The following COG5 variants were observed in gnomAD, a reference collection of about 807,000 sequenced individuals.
The protein encoded by COG5 is component of oligomeric golgi complex 5, also known as conserved oligomeric Golgi complex subunit 5.
COG5 carries 86 observed loss-of-function variants against 110.4 expected under a neutral mutation model. That is an observed-to-expected ratio of 0.78 (90% confidence interval 0.65 to 0.93). The LOEUF is 0.93. Ranked by LOEUF, COG5 falls within the 40% of genes least tolerant of loss-of-function variation. The pLI is 0.00. For missense variants in COG5, 1,077 were observed against 987.0 expected (o/e 1.09, Z -1.22); for synonymous variants, 360 against 334.6 (o/e 1.08, Z -0.83).
intron 8 of COG5, among the ~76,000 whole-genome samples, chr7:107,365,852 A>C (rs1408087402): frequency 6.6e-6 from 1 of 152,134 alleles, no homozygotes; most frequent in Non-Finnish European, 1.5e-5. Context: ...AAGAAGTAAC[A>C]AACTGGTCAA....
chr7:107,320,742 C>G (rs1809192268), intron 11 of COG5, among the ~76,000 whole-genome samples: 2 of 152,052 alleles, frequency 1.3e-5, no homozygotes, highest in South Asian at 2.1e-4. Context: ...AAATATAGGT[C>G]CCCTCTGTCA....
chr7:107,379,850 C>G (rs1379753931), intron 7 of COG5, among the ~76,000 whole-genome samples: 2 of 152,130 alleles, frequency 1.3e-5, no homozygotes, highest in East Asian at 3.9e-4. Flanking sequence ...TAATGCCCCA[C>G]TGTCAATATG....
chr7:107,433,696 CA>C (rs1171820686), intron 6 of COG5, among the ~76,000 whole-genome samples: 2 of 152,132 alleles, frequency 1.3e-5, no homozygotes, highest in Admixed American at 6.6e-5. Context: ...AAGACCTAAA[CA>C]TAAGAGCTAA....
intron 2 of COG5, among the ~76,000 whole-genome samples, chr7:107,556,278 T>C (rs763386): frequency 0.13 from 19,095 of 152,176 alleles, 1,502 homozygotes; most frequent in Non-Finnish European, 0.17. Flanking sequence ...CCAAACTCTC[T>C]GTATGAAGTG....
At chr7:107,208,583 G>C (rs577418980) in intron 21 of COG5, 1 of 985,418 alleles carries the variant, frequency 1.0e-6, no homozygotes, top group East Asian at 1.1e-4. Context: ...GCAAATCCCT[G>C]TGTTAGCCCA....
At chr7:107,208,334 A>T (rs536469596) in intron 21 of COG5, 1 of 985,422 alleles carries the variant, frequency 1.0e-6, no homozygotes, top group South Asian at 4.7e-5. Flanking sequence ...CTGCTGATGA[A>T]ATCACTCAGG....
At chr7:107,245,949 A>T (rs1309958321) in intron 17 of COG5, among the ~76,000 whole-genome samples, 3 of 152,234 alleles carry the variant, frequency 2.0e-5, no homozygotes, top group African/African-American at 7.2e-5. Flanking sequence ...ACATCACGTT[A>T]CCTGACTTCA....
At chr7:107,293,896 ACT>A (rs1251666340) in intron 12 of COG5, among the ~76,000 whole-genome samples, 2 of 151,834 alleles carry the variant, frequency 1.3e-5, no homozygotes, top group East Asian at 1.9e-4. Flanking sequence ...AAATGGCGAA[ACT>A]CTGTCTCTAC....
At chr7:107,242,793 C>A in intron 17 of COG5, among the ~76,000 whole-genome samples, 1 of 152,120 alleles carries the variant, frequency 6.6e-6, no homozygotes, top group Non-Finnish European at 1.5e-5. Context: ...CAGCTTAGAC[C>A]CTCCCCCACT....
intron 11 of COG5, among the ~76,000 whole-genome samples, chr7:107,302,795 G>C (rs1807386039): frequency 6.6e-6 from 1 of 152,148 alleles, no homozygotes; most frequent in Non-Finnish European, 1.5e-5. Context: ...CAAGCTGAAA[G>C]TTCCTTACCT....
At chr7:107,362,461 C>G (rs764454859) in intron 8 of COG5, 41 bp from the exon 9 acceptor site, 15 of 1,288,806 alleles carry the variant, frequency 1.2e-5, no homozygotes, top group Non-Finnish European at 1.5e-5. Flanking sequence ...ATAAAGTTTT[C>G]CAAAGGCAAA....
At chr7:107,267,336 T>A (rs80307895) in intron 14 of COG5, among the ~76,000 whole-genome samples, 24,442 of 152,174 alleles carry the variant, frequency 0.16, 2,358 homozygotes, top group Non-Finnish European at 0.22. Context: ...AAATCTATTA[T>A]CCTCTCTAAG....
intron 11 of COG5, among the ~76,000 whole-genome samples, chr7:107,315,168 T>C (rs965387007): frequency 6.6e-6 from 1 of 152,248 alleles, no homozygotes; most frequent in East Asian, 1.9e-4. Flanking sequence ...CTTTTTTTTT[T>C]TTTTAAAGAA....
At chr7:107,513,267 C>T (rs1415795138) in intron 6 of COG5, among the ~76,000 whole-genome samples, 2 of 152,082 alleles carry the variant, frequency 1.3e-5, no homozygotes, top group African/African-American at 4.8e-5. Context: ...CAAAAGAAGA[C>T]ATTTATGCAG....
chr7:107,372,875 C>A, intron 7 of COG5, 115 bp from the exon 8 acceptor site: 1 of 868,616 alleles, frequency 1.2e-6, no homozygotes, highest in South Asian at 1.8e-5. Context: ...TTAAATACTA[C>A]CATATTTTAA....
At chr7:107,353,659 A>C (rs7802375) in intron 10 of COG5, among the ~76,000 whole-genome samples, 1 of 151,998 alleles carries the variant, frequency 6.6e-6, no homozygotes, top group Non-Finnish European at 1.5e-5. Context: ...CTAAAATACC[A>C]CTTAGGTTAT....
chr7:107,331,463 A>G (rs1032301036), intron 10 of COG5, among the ~76,000 whole-genome samples: 1 of 152,040 alleles, frequency 6.6e-6, no homozygotes, highest in Non-Finnish European at 1.5e-5. Context: ...GCAAGACTCC[A>G]TCTCAAAAAA....
intron 10 of COG5, among the ~76,000 whole-genome samples, chr7:107,345,317 G>A (rs1410782479): frequency 6.6e-6 from 1 of 152,094 alleles, no homozygotes; most frequent in African/African-American, 2.4e-5. Flanking sequence ...AAGTGACATG[G>A]AGACACAAAT....
chr7:107,263,339 T>A (rs1485870083), intron 14 of COG5, among the ~76,000 whole-genome samples: 1 of 152,220 alleles, frequency 6.6e-6, no homozygotes, highest in Non-Finnish European at 1.5e-5. Flanking sequence ...TCAAAGCCTA[T>A]CTTATTTGAG....
Sources: gnomAD v4.1 joint callset for allele counts (sites outside exome capture counted in the v4.1 genomes callset) on GRCh38, gnomAD v4.1.1 for gene constraint, MANE v1.5 for transcripts, NCBI Gene and HGNC (gene_info 2026-07-23, HGNC 2026-07-21) for gene names.